The following THSD7A variants were observed in gnomAD, a reference collection of about 807,000 sequenced individuals.
THSD7A encodes the protein thrombospondin type 1 domain containing 7A.
A neutral mutation model predicts 231.3 loss-of-function variants in THSD7A; 96 were observed. That is an observed-to-expected ratio of 0.41 (90% confidence interval 0.35 to 0.49). The LOEUF (loss-of-function observed/expected upper bound fraction) is 0.49. THSD7A is among the 20% of genes least tolerant of loss of function. The probability of loss-of-function intolerance (pLI) is 0.05; values close to 1 mark genes in which losing one functional copy is unlikely to be tolerated. For missense variants in THSD7A, 2,290 were observed against 2,070.2 expected (o/e 1.11, Z -2.06); for synonymous variants, 940 against 743.3 (o/e 1.26, Z -4.30).
intron 1 of THSD7A, among the ~76,000 whole-genome samples, chr7:11,688,475 A>G (rs943593583): frequency 4.6e-5 from 7 of 151,852 alleles, no homozygotes; most frequent in African/African-American, 1.7e-4. Flanking sequence ...TCATCCACAC[A>G]TTCAAAATGA....
intron 1 of THSD7A, among the ~76,000 whole-genome samples, chr7:11,659,255 C>G (rs1782829440): frequency 6.6e-6 from 1 of 151,632 alleles, no homozygotes; most frequent in Admixed American, 6.6e-5. Flanking sequence ...AATTGCAAAT[C>G]ACCTATTCAC....
intron 2 of THSD7A, among the ~76,000 whole-genome samples, chr7:11,635,106 C>T (rs1289176954): frequency 2.0e-5 from 3 of 152,148 alleles, no homozygotes; most frequent in Non-Finnish European, 4.4e-5. Flanking sequence ...GAAAAACAAT[C>T]CAGCTGTTCA....
intron 1 of THSD7A, among the ~76,000 whole-genome samples, chr7:11,648,637 CGTGTGTGT>C (rs3031455): frequency 6.0e-4 from 85 of 141,136 alleles, no homozygotes; most frequent in African/African-American, 1.9e-3. Flanking sequence ...TATTTTGTGG[CGTGTGTGT>C]GTGTGTGTGT....
In THSD7A at chr7:11,379,214, A is replaced by G; in HGVS notation, c.4657T>C (p.Cys1553Arg). 6.2e-7 allele frequency: 1 copy of G among 1,613,644 alleles called. No individual in the cohort carries two copies. The highest frequency in any genetic ancestry group is 8.5e-7 in the Non-Finnish European group (1 of 1,179,660). The change falls in exon 26 of 28, where the codon TGC becomes CGC. Residue 1553 changes from cysteine (C) to arginine (R), a missense_variant. By Grantham distance (180) the Cys-to-Arg change is radical. Transcript: ENST00000423059. The part of the protein sequence containing the change: ...VMSSNSTLEQ[C>R]TLIPVVVLPT... Reference sequence around the variant, plus strand: ...AATACCACCACGGGGATAAGTGTGCATTGCTCAAGGGTGCTGTTAGAAGAC... The same window carrying G: ...AATACCACCACGGGGATAAGTGTGCGTTGCTCAAGGGTGCTGTTAGAAGAC...
intron 1 of THSD7A, among the ~76,000 whole-genome samples, chr7:11,688,293 A>G (rs1780124464): frequency 6.6e-6 from 1 of 151,714 alleles, no homozygotes; most frequent in Non-Finnish European, 1.5e-5. Flanking sequence ...CACATTCTAA[A>G]CAGTACTAAT....
At chr7:11,379,369 GGTTT>G in intron 25 of THSD7A, 89 bp from the exon 26 acceptor site, 1 of 1,317,088 alleles carries the variant, frequency 7.6e-7, no homozygotes, top group Non-Finnish European at 1.1e-6. Context: ...CTTTAAACAA[GGTTT>G]GTTTTGGGAA....
At chr7:11,594,593 C>T (rs1467194011) in intron 2 of THSD7A, among the ~76,000 whole-genome samples, 2 of 152,082 alleles carry the variant, frequency 1.3e-5, no homozygotes, top group African/African-American at 4.8e-5. Flanking sequence ...TATATAACAC[C>T]TTTGACCATA....
chr7:11,732,347 A>G (rs561192961), intron 1 of THSD7A, among the ~76,000 whole-genome samples: 1 of 151,974 alleles, frequency 6.6e-6, no homozygotes, highest in East Asian at 1.9e-4. Flanking sequence ...GTAAAATACA[A>G]TGATGAAAAC....
chr7:11,541,721 TA>T (rs1789158078), intron 5 of THSD7A, 90 bp from the exon 6 acceptor site: 2 of 1,232,068 alleles, frequency 1.6e-6, no homozygotes, highest in African/African-American at 3.0e-5. Context: ...AAAAGTTGGA[TA>T]AGAGTGGAGG....
intron 1 of THSD7A, among the ~76,000 whole-genome samples, chr7:11,693,612 A>G (rs1584222908): frequency 1.3e-5 from 2 of 151,504 alleles, no homozygotes; most frequent in East Asian, 3.9e-4. Flanking sequence ...ATAGAAAAGT[A>G]GTGGGCTTCG....
intron 1 of THSD7A, among the ~76,000 whole-genome samples, chr7:11,788,548 G>A (rs1345154032): frequency 1.3e-5 from 2 of 151,894 alleles, no homozygotes; most frequent in East Asian, 3.9e-4. Flanking sequence ...TGTTATTCAG[G>A]ACCGAGAGTA....
chr7:11,385,782 A>G (rs1173831981), intron 23 of THSD7A: 2 of 152,156 alleles, frequency 1.3e-5, no homozygotes, highest in Non-Finnish European at 2.9e-5. Context: ...GGTTTGTTAC[A>G]TAGGTATACA....
Position 11,406,437 on chromosome 7 carries a change from A to G in THSD7A, c.4100T>C (p.Ile1367Thr). ...QCGEGTRTRN[I>T]SCVVSDGSAD... is the part of the protein sequence containing the mutation. The stretch of plus-strand genomic sequence containing the variant: ...TGACCCATCACTTACTACACAAGAA[A>G]TGTTCCTTGTTCTGGTCCCTTCTCC... The change falls in exon 22 of 28, where the codon ATT becomes ACT. Residue 1367 changes from isoleucine to threonine, a missense_variant. Ile to Thr is a moderately conservative substitution (Grantham distance 89). Transcript: ENST00000423059. The surrounding 1 kb of genome is among the most constrained non-coding windows in gnomAD (Gnocchi z 4.7). 1 of 1,613,844 alleles carries G rather than the reference A, an allele frequency of 6.2e-7. No individual in the cohort carries two copies. Among genetic ancestry groups the G allele is most frequent in the Non-Finnish European group, 8.5e-7 (1 of 1,179,828 alleles).
chr7:11,726,186 C>T (rs1526560), intron 1 of THSD7A, among the ~76,000 whole-genome samples: 40,787 of 151,816 alleles, frequency 0.27, 5,608 homozygotes, highest in African/African-American at 0.34. Flanking sequence ...TTATGCAGCA[C>T]TGAATGATAC....
intron 1 of THSD7A, among the ~76,000 whole-genome samples, chr7:11,691,603 C>T (rs554797960): frequency 1.7e-4 from 26 of 151,130 alleles, no homozygotes; most frequent in Non-Finnish European, 3.0e-4. Flanking sequence ...ATATATAATC[C>T]ATAACATCTA....
At chr7:11,615,060 A>G (rs1037714907) in intron 2 of THSD7A, among the ~76,000 whole-genome samples, 5 of 152,190 alleles carry the variant, frequency 3.3e-5, no homozygotes, top group South Asian at 2.1e-4. Flanking sequence ...TTCTATTTCA[A>G]TCTCCTTGGA....
chr7:11,422,598 CAA>C (rs5882308), intron 16 of THSD7A, among the ~76,000 whole-genome samples: 1,688 of 97,844 alleles, frequency 0.017, 41 homozygotes, highest in African/African-American at 0.056. Context: ...ATTTACAAAG[CAA>C]AAAAAAAAAA....
chr7:11,542,126 C>T (rs1789177532), intron 5 of THSD7A, among the ~76,000 whole-genome samples: 1 of 152,194 alleles, frequency 6.6e-6, no homozygotes, highest in Admixed American at 6.5e-5. Flanking sequence ...TTGGATGGTT[C>T]CAGAGAAACA....
chr7:11,593,926 A>T (rs908508124), intron 2 of THSD7A, among the ~76,000 whole-genome samples: 2 of 152,124 alleles, frequency 1.3e-5, no homozygotes, highest in African/African-American at 2.4e-5. Context: ...TGTCAAATTG[A>T]TTGGATTGAA....
Sources: allele counts gnomAD v4.1 joint callset (sites outside exome capture counted in the v4.1 genomes callset), GRCh38; gene constraint gnomAD v4.1.1; non-coding constraint Gnocchi (gnomAD v3.1); transcripts MANE v1.5; gene names NCBI Gene and HGNC (gene_info 2026-07-23, HGNC 2026-07-21).